The following LETM1 variants were observed in gnomAD, a reference collection of about 807,000 sequenced individuals.
LETM1 encodes mitochondrial proton/calcium exchanger protein.
A neutral mutation model predicts 74.5 loss-of-function variants in LETM1; 50 were observed. That is an observed-to-expected ratio of 0.67 (90% CI 0.53 to 0.85). The LOEUF is 0.85. LETM1 is among the 40% of genes least tolerant of loss of function. The pLI, the probability that LETM1 is intolerant of heterozygous loss-of-function variation, is 0.00. For missense variants in LETM1, 824 were observed against 967.8 expected, an observed-to-expected ratio of 0.85 and a Z score of 1.97; for synonymous variants, 446 against 407.1, an observed-to-expected ratio of 1.10 and a Z score of -1.15.
chr4:1,836,414 G>A lies in LETM1; in HGVS notation c.738+15C>T, dbSNP rs187369080. The A allele has an allele frequency of 3.1e-5, 50 of 1,613,342 alleles. No individual in the cohort carries two copies. The Admixed American group carries it at 8.0e-4, about 26-fold the overall frequency. On this transcript the variant is annotated intron_variant, in intron 4 of 13. Transcript: ENST00000302787. This position sits in a 1 kb window ranked among gnomAD's most constrained non-coding sequence, Gnocchi z 5.8. ...AGACTCATTCTAAAACAAGCAGTTG[G>A]GATGCTGCCCTTACCTTGAGTGACT...
chr4:1,831,888 C>T (rs529831182), intron 6 of LETM1, among the ~76,000 whole-genome samples: 2 of 152,290 alleles, frequency 1.3e-5, no homozygotes, highest in Admixed American at 6.5e-5. Flanking sequence ...AAAAGGCCTA[C>T]GGACCACCCA....
At chr4:1,848,285 A>G (rs1238236561) in intron 2 of LETM1, among the ~76,000 whole-genome samples, 3 of 152,130 alleles carry the variant, frequency 2.0e-5, no homozygotes, top group African/African-American at 7.2e-5. Flanking sequence ...GCGGTGGCTC[A>G]TGCCTGTAAT....
intron 12 of LETM1, among the ~76,000 whole-genome samples, chr4:1,816,369 C>T (rs1254776118): frequency 6.6e-6 from 1 of 152,178 alleles, no homozygotes; most frequent in Admixed American, 6.5e-5. Flanking sequence ...CAGAGAAGGC[C>T]GACTGCCCGA....
At chr4:1,841,844 C>G in intron 2 of LETM1, 47 bp from the exon 3 acceptor site, 2 of 1,409,224 alleles carry the variant, frequency 1.4e-6, no homozygotes, top group Non-Finnish European at 2.0e-6. Context: ...CAGCACTAGC[C>G]TTTGACAGCT....
At chr4:1,831,797 A>T (rs922441838) in intron 6 of LETM1, among the ~76,000 whole-genome samples, 1 of 152,224 alleles carries the variant, frequency 6.6e-6, no homozygotes, top group African/African-American at 2.4e-5. Context: ...ACTGCCCTGA[A>T]CCTCTTTGTC....
At position 1,816,998 on chromosome 4, in the gene LETM1, T is replaced by C. The variant is rs552565989; in HGVS notation, c.1744-84A>G. Reference sequence around the variant, plus strand: ...TAGTGGCTCACGCCTGTAATCCCAGTACTTTGCAAGGCCAAGGCGGGCGGA... The same window carrying C: ...TAGTGGCTCACGCCTGTAATCCCAGCACTTTGCAAGGCCAAGGCGGGCGGA... On this transcript the variant is annotated intron_variant, in intron 11 of 13. Coordinates refer to ENST00000302787, the MANE Select transcript of LETM1 (RefSeq NM_012318.3). 4 of 1,203,846 alleles carry C rather than the reference T, an allele frequency of 3.3e-6. No homozygotes were observed. In the African/African-American group the frequency reaches 4.5e-5, roughly 14 times the overall value. The allele number at this position is 1,203,846 out of a possible 1,614,324, so 74.6% of individuals were successfully genotyped here.
At chr4:1,851,526 C>T (rs1713071632) in intron 1 of LETM1, among the ~76,000 whole-genome samples, 1 of 152,194 alleles carries the variant, frequency 6.6e-6, no homozygotes, top group Admixed American at 6.5e-5. Flanking sequence ...TTGTAACAGT[C>T]CGGTCTGTGA....
chr4:1,819,697 C>T (rs183638543), intron 10 of LETM1, among the ~76,000 whole-genome samples: 1 of 152,292 alleles, frequency 6.6e-6, no homozygotes, highest in East Asian at 1.9e-4. Flanking sequence ...TTGTTTAAAG[C>T]GCGTCATCTA....
rs555181871 is a variant in LETM1, at chr4:1,841,274, A to G, written c.594+73T>C. 9.8e-5 allele frequency: 138 copies of G among 1,402,992 alleles called. No homozygotes were observed. In the South Asian group the frequency reaches 1.6e-3, roughly 16 times the overall value. 86.9% of individuals were successfully genotyped at this position (1,402,992 alleles called of 1,614,324 possible). On this transcript the variant is annotated intron_variant, in intron 3 of 13. Coordinates refer to ENST00000302787, the MANE Select transcript of LETM1 (RefSeq NM_012318.3). ...GCAGGAGGATCGCCCATGCCCAGGA[A>G]ATTGCGCCACTGCACTCCAGCCTGG...
chr4:1,822,829 C>A (rs959453520), intron 9 of LETM1, 159 bp downstream of exon 9: 1 of 650,502 alleles, frequency 1.5e-6, no homozygotes. Flanking sequence ...CCCTCACACC[C>A]GGGCACCCTG....
At chr4:1,841,868 C>A (rs543045510) in intron 2 of LETM1, 71 bp from the exon 3 acceptor site, 45 of 1,115,408 alleles carry the variant, frequency 4.0e-5, no homozygotes, top group African/African-American at 3.2e-4. Flanking sequence ...CACCGAACAC[C>A]AACAGCAGCA....
At position 1,834,071 on chromosome 4, in the gene LETM1, C is replaced by A. The variant is rs549552339; in HGVS notation, c.876+774G>T. On this transcript the variant is annotated intron_variant, in intron 5 of 13. Coordinates refer to ENST00000302787, the MANE Select transcript of LETM1 (RefSeq NM_012318.3). This position sits in a 1 kb window ranked among gnomAD's most constrained non-coding sequence, Gnocchi z 5.0. ...GTCGCCTCCTCCCGAGAGGCTTCTC[C>A]GTGGTTAGGCCTCAGCCTGGCAGTC... 6.6e-6 allele frequency: 1 copy of A among 152,366 alleles called. No individual in the cohort carries two copies. The highest frequency in any genetic ancestry group is 1.9e-4 in the East Asian group (1 of 5,204). 9.4% of individuals were successfully genotyped at this position (152,366 alleles called of 1,614,324 possible).
intron 2 of LETM1, among the ~76,000 whole-genome samples, chr4:1,847,383 T>A (rs546999078): frequency 6.6e-6 from 1 of 151,670 alleles, no homozygotes; most frequent in Non-Finnish European, 1.5e-5. Context: ...CCCAACTGGT[T>A]TAATGACACT....
At chr4:1,816,476 T>C (rs914137465) in intron 12 of LETM1, among the ~76,000 whole-genome samples, 3 of 150,998 alleles carry the variant, frequency 2.0e-5, no homozygotes, top group Admixed American at 6.6e-5. Flanking sequence ...GAGGTGGAGG[T>C]TGGAGCGGGA....
At chr4:1,825,440 G>T in intron 7 of LETM1, 124 bp downstream of exon 7, 2 of 1,201,564 alleles carry the variant, frequency 1.7e-6, no homozygotes, top group South Asian at 1.4e-5. Flanking sequence ...GCCGTCCCCA[G>T]AGAGGTCACA....
At chr4:1,838,872 G>A (rs1260813625) in intron 3 of LETM1, among the ~76,000 whole-genome samples, 3 of 152,106 alleles carry the variant, frequency 2.0e-5, no homozygotes, top group Admixed American at 2.0e-4. Context: ...GGCTCTCACA[G>A]AAGCAAACAA....
Position 1,836,120 on chromosome 4 carries a change from A to C in LETM1, c.738+309T>G, listed in dbSNP as rs973021886. Among the ~76,000 whole-genome samples, 3 of 152,104 alleles carry C rather than the reference A, an allele frequency of 2.0e-5. No individual in the cohort carries two copies. The highest frequency in any genetic ancestry group is 4.4e-5 in the Non-Finnish European group (3 of 67,990). On this transcript the variant is annotated intron_variant, in intron 4 of 13. Coordinates refer to ENST00000302787, the MANE Select transcript of LETM1 (RefSeq NM_012318.3). The surrounding 1 kb of genome is among the most constrained non-coding windows in gnomAD (Gnocchi z 5.8). ...TCCCAGCTACTTGGGAGGCTGAGGC[A>C]GGAGATTCGCTTGAACCCGGGAGGC... is the stretch of plus-strand genomic sequence containing the variant.
chr4:1,811,797 A>G lies in LETM1; in HGVS notation c.*2627T>C, dbSNP rs1722477758. 1 of 152,352 alleles carries G rather than the reference A, an allele frequency of 6.6e-6. No homozygotes were observed. The highest frequency in any genetic ancestry group is 2.4e-5 in the African/African-American group (1 of 41,444). The allele number at this position is 152,352 out of a possible 1,614,324, so 9.4% of individuals were successfully genotyped here. A position where few individuals can be genotyped will look rare whatever the true frequency, so the allele number is the denominator to read the frequency against. ...CCAATTCCTGAATCCCTGCGTTAGA[A>G]CTGAGAGTTCAGGCCGGGCGCGGTG... On this transcript the variant is annotated 3_prime_UTR_variant, in exon 14 of 14. Transcript: ENST00000302787.
Position 1,832,906 on chromosome 4 carries a change from C to T in LETM1, c.918G>A (p.Met306Ile). 6.2e-7 allele frequency: 1 copy of T among 1,612,942 alleles called. No individual in the cohort carries two copies. Among genetic ancestry groups the T allele is most frequent in the Non-Finnish European group, 8.5e-7 (1 of 1,180,024 alleles). ...TGERPSNEEI[M>I]RFSKLFEDEL... is the part of the protein sequence containing the mutation. The stretch of plus-strand genomic sequence containing the variant: ...CATCCTCAAATAATTTGGAAAAACG[C>T]ATGATTTCCTCATTGCTGGGCCTCT... The change falls in exon 6 of 14, where the codon ATG becomes ATA. Residue 306 changes from methionine to isoleucine, a missense_variant. Physicochemically the swap from Met to Ile is conservative, Grantham distance 10 (BLOSUM62 1). This residue lies in a region of LETM1 where 269 missense variants were observed against 348.8 expected (regional missense o/e 0.77). Transcript: ENST00000302787.
Sources: gnomAD v4.1 joint callset for allele counts (sites outside exome capture counted in the v4.1 genomes callset) on GRCh38, gnomAD v4.1.1 for gene constraint, gnomAD v4.1.1 regional missense constraint, Gnocchi (gnomAD v3.1) non-coding constraint, MANE v1.5 for transcripts, NCBI Gene and HGNC (gene_info 2026-07-23, HGNC 2026-07-21) for gene names.